TENM2: variants seen among roughly 807,000 people sequenced by gnomAD.
TENM2 encodes the protein teneurin transmembrane protein 2.
In TENM2, 52 loss-of-function variants were observed where a neutral mutation model predicts 245.2. That is an observed-to-expected ratio of 0.21 (90% confidence interval 0.17 to 0.27). The LOEUF (loss-of-function observed/expected upper bound fraction) is 0.27. TENM2 is among the 10% of genes least tolerant of loss of function. TENM2 has a pLI of 1.00. For synonymous variants in TENM2, 1,363 were observed against 1,438.9 expected, an observed-to-expected ratio of 0.95 and a Z score of 1.19; for missense variants, 3,046 against 3,666.8, an observed-to-expected ratio of 0.83 and a Z score of 4.37.
intron 2 of TENM2, among the ~76,000 whole-genome samples, chr5:167,497,116 G>C (rs1327958818): frequency 6.6e-6 from 1 of 151,924 alleles, no homozygotes. Context: ...TAAAAGATCA[G>C]AGTGACTAAG....
intron 27 of TENM2, among the ~76,000 whole-genome samples, chr5:168,252,179 A>T (rs914265283): frequency 2.0e-5 from 3 of 151,934 alleles, no homozygotes; most frequent in African/African-American, 7.3e-5. Context: ...GGAGTTTGAG[A>T]CCAGCCTGGG....
rs1445748721 is a variant in TENM2, at chr5:167,978,613, C to A, written c.948-14331C>A. On this transcript the variant is annotated intron_variant, in intron 4 of 28. Transcript: ENST00000518659. ...AAACCAAATTAGTGGTTGCCAGGAG[C>A]TGGGAGTGAGAGAGTGAAGGAATGG... 2.0e-5 allele frequency among the ~76,000 whole-genome samples: 3 copies of A among 150,754 alleles called. No individual in the cohort carries two copies. In the East Asian group the frequency reaches 5.8e-4, roughly 29 times the overall value.
At chr5:168,155,718 C>T (rs1757094213) in intron 12 of TENM2, among the ~76,000 whole-genome samples, 1 of 151,906 alleles carries the variant, frequency 6.6e-6, no homozygotes, top group Non-Finnish European at 1.5e-5. Context: ...GAGAAATGAC[C>T]TACACTTCAG....
the TENM2 span, among the ~76,000 whole-genome samples, chr5:167,053,057 C>A: frequency 6.6e-6 from 1 of 152,136 alleles, no homozygotes; most frequent in Admixed American, 6.6e-5. Flanking sequence ...AGGCTCCTCA[C>A]CTCACTGCCT....
intron 3 of TENM2, among the ~76,000 whole-genome samples, chr5:167,907,524 AATATAT>A (rs56159044): frequency 0.046 from 3,601 of 77,580 alleles, 61 homozygotes; most frequent in Non-Finnish European, 0.066. Context: ...GATCACCCTA[AATATAT>A]ATATATATAT....
the TENM2 span, among the ~76,000 whole-genome samples, chr5:166,979,904 A>G: frequency 2.6e-5 from 4 of 152,082 alleles, no homozygotes; most frequent in East Asian, 3.9e-4. Context: ...TTAACGTTGC[A>G]TTGCTGTTTA....
intron 13 of TENM2, among the ~76,000 whole-genome samples, chr5:168,174,944 C>T (rs1175882756): frequency 6.6e-6 from 1 of 152,162 alleles, no homozygotes; most frequent in Non-Finnish European, 1.5e-5. Flanking sequence ...GCCCTGGTTC[C>T]TTGCCTTTTA....
chr5:167,461,818 A>G (rs1766311083), intron 2 of TENM2, among the ~76,000 whole-genome samples: 2 of 152,182 alleles, frequency 1.3e-5, no homozygotes, highest in Admixed American at 1.3e-4. Context: ...ATTTATATAT[A>G]TTTTGTTTGC....
intron 4 of TENM2, among the ~76,000 whole-genome samples, chr5:167,991,226 T>G (rs771006779): frequency 4.8e-4 from 73 of 152,336 alleles, no homozygotes; most frequent in Non-Finnish European, 8.5e-4. Flanking sequence ...AGGAAATAAC[T>G]GTAGTAACAT....
intron 12 of TENM2, among the ~76,000 whole-genome samples, chr5:168,149,039 G>A (rs537000679): frequency 1.9e-4 from 29 of 152,264 alleles, no homozygotes; most frequent in African/African-American, 6.7e-4. Flanking sequence ...TAACCTGGGA[G>A]CATGCTTGGG....
chr5:168,198,304 T>C (rs553650896), intron 15 of TENM2, among the ~76,000 whole-genome samples: 6 of 147,510 alleles, frequency 4.1e-5, no homozygotes, highest in African/African-American at 1.5e-4. Context: ...CAAGCAATTC[T>C]CCTGCCTTGG....
chr5:167,608,862 G>A (rs1777247875), intron 2 of TENM2, among the ~76,000 whole-genome samples: 1 of 152,104 alleles, frequency 6.6e-6, no homozygotes, highest in Non-Finnish European at 1.5e-5. Context: ...TCTTGGAAGG[G>A]GAAACAGATT....
At chr5:167,984,680 T>G (rs982662791) in intron 4 of TENM2, among the ~76,000 whole-genome samples, 10 of 151,752 alleles carry the variant, frequency 6.6e-5, no homozygotes, top group African/African-American at 2.2e-4. Context: ...TATATGCTTG[T>G]TTTTTTTGTA....
At chr5:167,975,136 T>G (rs1782339369) in intron 4 of TENM2, among the ~76,000 whole-genome samples, 1 of 152,234 alleles carries the variant, frequency 6.6e-6, no homozygotes, top group Non-Finnish European at 1.5e-5. Context: ...AAATTTCAAT[T>G]TACCATGCCT....
At chr5:167,957,428 C>T (rs996289015) in intron 4 of TENM2, among the ~76,000 whole-genome samples, 2 of 152,148 alleles carry the variant, frequency 1.3e-5, no homozygotes, top group East Asian at 3.9e-4. Flanking sequence ...AACACAGCTC[C>T]TGGATTCATT....
At chr5:167,396,633 A>C (rs6555743) in intron 2 of TENM2, among the ~76,000 whole-genome samples, 90,003 of 152,000 alleles carry the variant, frequency 0.59, 27,881 homozygotes, top group African/African-American at 0.79. Flanking sequence ...TCTTTTATAT[A>C]TTCAGTGCCA....
At chr5:167,167,839 G>A in the TENM2 span, among the ~76,000 whole-genome samples, 1 of 152,184 alleles carries the variant, frequency 6.6e-6, no homozygotes. Flanking sequence ...GAATGAATGA[G>A]TGAATAATTG....
At chr5:167,483,395 G>A (rs1477572855) in intron 2 of TENM2, among the ~76,000 whole-genome samples, 1 of 152,058 alleles carries the variant, frequency 6.6e-6, no homozygotes, top group East Asian at 1.9e-4. Flanking sequence ...ATGCAGAAAC[G>A]CTGATTAAAT....
At chr5:167,015,769 A>T in the TENM2 span, among the ~76,000 whole-genome samples, 2 of 151,448 alleles carry the variant, frequency 1.3e-5, no homozygotes, top group African/African-American at 4.9e-5. Context: ...ATCAAGATAT[A>T]TTTTTTTTTC....
Sources: allele counts gnomAD v4.1 joint callset (sites outside exome capture counted in the v4.1 genomes callset), GRCh38; gene constraint gnomAD v4.1.1; transcripts MANE v1.5; gene names NCBI Gene and HGNC (gene_info 2026-07-23, HGNC 2026-07-21).